Variants in XRCC6 observed in about 807,000 individuals in gnomAD.
The protein encoded by XRCC6 is DNA repair protein Ku70.
In XRCC6, 5 loss-of-function variants were observed where a neutral mutation model predicts 65.7. The observed-to-expected ratio is 0.08, with a 90% CI of 0.04 to 0.16. The LOEUF is 0.16. Ranked by LOEUF, XRCC6 falls within the 10% of genes least tolerant of loss-of-function variation. The pLI is 1.00. For missense variants in XRCC6, 447 were observed against 738.1 expected (o/e 0.61, Z 4.57); for synonymous variants, 270 against 270.6 (o/e 1.00, Z 0.02).
At chr22:41,650,698 G>A in intron 7 of XRCC6, 25 bp from the exon 8 acceptor site, 1 of 1,608,202 alleles carries the variant, frequency 6.2e-7, no homozygotes, top group South Asian at 1.1e-5. Flanking sequence ...CTTCCCATTT[G>A]ATCCTTGTCG....
intron 11 of XRCC6, among the ~76,000 whole-genome samples, chr22:41,661,015 A>G (rs1271712607): frequency 2.0e-5 from 3 of 151,774 alleles, no homozygotes; most frequent in Non-Finnish European, 4.4e-5. Context: ...GCCTGGCAAC[A>G]GAGCAAGACT....
At chr22:41,650,932 G>A (rs143322590) in intron 8 of XRCC6, 41 bp downstream of exon 8, 1 of 1,610,094 alleles carries the variant, frequency 6.2e-7, no homozygotes, top group Non-Finnish European at 8.5e-7. Context: ...CTAACACACA[G>A]TGCAGTTTAC....
At chr22:41,639,008 G>A (rs1033052162) in intron 6 of XRCC6, among the ~76,000 whole-genome samples, 10 of 152,052 alleles carry the variant, frequency 6.6e-5, no homozygotes, top group African/African-American at 2.4e-4. Context: ...ACAAACTTAC[G>A]ACAGCTATGA....
At chr22:41,648,596 T>C (rs2067959758) in intron 7 of XRCC6, among the ~76,000 whole-genome samples, 1 of 152,120 alleles carries the variant, frequency 6.6e-6, no homozygotes, top group Non-Finnish European at 1.5e-5. Context: ...CTTTGCTCAG[T>C]CTATAGAGGG....
At chr22:41,650,978 CTG>C in intron 8 of XRCC6, 87 bp downstream of exon 8, 1 of 1,510,578 alleles carries the variant, frequency 6.6e-7, no homozygotes, top group African/African-American at 1.4e-5. Flanking sequence ...TGCTTGGACA[CTG>C]TACAGGAAAT....
chr22:41,641,918 T>C (rs1235380932), intron 6 of XRCC6, among the ~76,000 whole-genome samples: 2 of 152,084 alleles, frequency 1.3e-5, no homozygotes, highest in Admixed American at 1.3e-4. Context: ...GCCTCCCAAG[T>C]AGCTAGGATT....
intron 7 of XRCC6, among the ~76,000 whole-genome samples, chr22:41,649,760 C>T (rs933023097): frequency 1.3e-5 from 2 of 151,516 alleles, no homozygotes; most frequent in South Asian, 4.2e-4. Flanking sequence ...GGGGCTGAGG[C>T]AGGAGAATGG....
intron 3 of XRCC6, among the ~76,000 whole-genome samples, chr22:41,631,740 G>A (rs534005694): frequency 0.017 from 2,584 of 152,092 alleles, 67 homozygotes; most frequent in African/African-American, 0.058. Context: ...GCCGGGCAGA[G>A]GCTGCACTCT....
At chr22:41,646,869 A>G in intron 6 of XRCC6, 27 bp from the exon 7 acceptor site, 1 of 1,565,102 alleles carries the variant, frequency 6.4e-7, no homozygotes, top group African/African-American at 1.4e-5. Flanking sequence ...TTTTCAGTTC[A>G]TGCTCTTTCA....
chr22:41,641,661 T>C (rs1042655433), intron 6 of XRCC6, among the ~76,000 whole-genome samples: 4 of 152,178 alleles, frequency 2.6e-5, no homozygotes. Context: ...ATGAGTTCAA[T>C]TGCTTTACTT....
chr22:41,645,854 C>T (rs1012039832), intron 6 of XRCC6, among the ~76,000 whole-genome samples: 1 of 151,862 alleles, frequency 6.6e-6, no homozygotes, highest in East Asian at 1.9e-4. Context: ...GCGTGCGCCA[C>T]CATGCCTGGC....
chr22:41,622,934 G>T (rs1157885770), intron 2 of XRCC6, among the ~76,000 whole-genome samples: 3 of 148,886 alleles, frequency 2.0e-5, no homozygotes, highest in African/African-American at 5.0e-5. Context: ...GACAGAATGA[G>T]ACTCTCTCAG....
intron 2 of XRCC6, 28 bp downstream of exon 2, chr22:41,622,114 T>C (rs933286005): frequency 6.2e-7 from 1 of 1,612,910 alleles, no homozygotes; most frequent in Admixed American, 1.7e-5. Flanking sequence ...GTAGTGCCAT[T>C]CGGTGTGTGG....
intron 8 of XRCC6, among the ~76,000 whole-genome samples, 174 bp from the exon 9 acceptor site, chr22:41,653,355 G>C (rs1257783574): frequency 1.3e-5 from 2 of 152,148 alleles, no homozygotes; most frequent in Non-Finnish European, 2.9e-5. Context: ...AGTGAGTTCT[G>C]ATTGCAGCAC....
chr22:41,638,372 GTTAGCCTGTTGC>G (rs1196166725), intron 6 of XRCC6, among the ~76,000 whole-genome samples: 3 of 152,162 alleles, frequency 2.0e-5, no homozygotes, highest in Non-Finnish European at 2.9e-5. Flanking sequence ...GGGCTGTGTG[GTTAGCCTGTTGC>G]TCTTAGGCTA....
chr22:41,633,176 C>T (rs1601533389), intron 3 of XRCC6, among the ~76,000 whole-genome samples: 1 of 151,766 alleles, frequency 6.6e-6, no homozygotes, highest in African/African-American at 2.4e-5. Flanking sequence ...TGAATAAAAA[C>T]AATCGTTAAT....
intron 7 of XRCC6, among the ~76,000 whole-genome samples, chr22:41,649,623 G>A (rs888940677): frequency 1.3e-4 from 19 of 151,794 alleles, no homozygotes; most frequent in Admixed American, 3.9e-4. Flanking sequence ...GGGAGGCTGA[G>A]GCGGGCGGAT....
Position 41,656,940 on chromosome 22 carries a change from A to G in XRCC6, c.1329A>G (p.Lys443=). ...QLVFLPFADD[K]RKMPFTEKIM... ...TCTTTTTACCCTTTGCTGATGATAA[A>G]AGGAAGATGCCCTTTACTGAAAAAA... Residue 443 remains lysine, a synonymous_variant, in exon 10 of 13, where the codon AAA becomes AAG. Coordinates refer to ENST00000360079, the MANE Select transcript of XRCC6 (RefSeq NM_001469.5). 2 of 1,613,668 alleles carry G rather than the reference A, an allele frequency of 1.2e-6. No individual in the cohort carries two copies. The highest frequency in any genetic ancestry group is 1.7e-4 in the Middle Eastern group (1 of 6,004).
At chr22:41,649,126 C>CAAAAA (rs1335320703) in intron 7 of XRCC6, among the ~76,000 whole-genome samples, 41 of 90,214 alleles carry the variant, frequency 4.5e-4, no homozygotes, top group East Asian at 3.5e-3. Context: ...GAAGAGAGTA[C>CAAAAA]AAAAAAAAAA....
Sources: gnomAD v4.1 joint callset for allele counts (sites outside exome capture counted in the v4.1 genomes callset) on GRCh38, gnomAD v4.1.1 for gene constraint, MANE v1.5 for transcripts, NCBI Gene and HGNC (gene_info 2026-07-23, HGNC 2026-07-21) for gene names.